Variants in MAP3K4 observed in about 807,000 individuals in gnomAD.
The protein encoded by MAP3K4 is mitogen-activated protein kinase kinase kinase 4.
MAP3K4 carries 67 observed loss-of-function variants against 185.6 expected under a neutral mutation model. The observed-to-expected ratio is 0.36, with a 90% confidence interval of 0.30 to 0.44. The LOEUF (loss-of-function observed/expected upper bound fraction) is 0.44, where lower values mean the gene tolerates loss of function less well. MAP3K4 is among the 20% of genes least tolerant of loss of function. The pLI, the probability that MAP3K4 is intolerant of heterozygous loss-of-function variation, is 1.00. For missense variants in MAP3K4, 1,551 were observed against 1,995.1 expected, an observed-to-expected ratio of 0.78 and a Z score of 4.24; for synonymous variants, 702 against 710.4, an observed-to-expected ratio of 0.99 and a Z score of 0.19.
Position 161,091,748 on chromosome 6 carries a change from A to G in MAP3K4, c.3135+208A>G, listed in dbSNP as rs1335618459. Among the ~76,000 whole-genome samples the G allele has an allele frequency of 1.3e-5, 2 of 152,214 alleles. No individual in the cohort carries two copies. Among genetic ancestry groups the G allele is most frequent in the Non-Finnish European group, 2.9e-5 (2 of 68,026 alleles). ...CAACTTTTATTTTGTGCTAACAGCC[A>G]TCTACTTACATTTTAAAACTTTAAA... is the stretch of plus-strand genomic sequence containing the variant. On this transcript the variant is annotated intron_variant, in intron 12 of 26. Coordinates refer to ENST00000392142, the MANE Select transcript of MAP3K4 (RefSeq NM_005922.4). The surrounding 1 kb of genome is among the most constrained non-coding windows in gnomAD (Gnocchi z 5.5).
rs1159719941 is a variant in MAP3K4, at chr6:161,101,057, C to T, written c.3675-835C>T. On this transcript the variant is annotated intron_variant, in intron 17 of 26. Transcript: ENST00000392142. This position sits in a 1 kb window ranked among gnomAD's most constrained non-coding sequence, Gnocchi z 5.1. ...ATAAATGCTACCATACTTCATTATA[C>T]CATTCACTTAAAAATATATACTAAA... 2.0e-5 allele frequency: 3 copies of T among 152,132 alleles called. No homozygotes were observed. Among genetic ancestry groups the T allele is most frequent in the Non-Finnish European group, 4.4e-5 (3 of 68,030 alleles). The allele number at this position is 152,132 out of a possible 1,614,324, so 9.4% of individuals were successfully genotyped here. A position where few individuals can be genotyped will look rare whatever the true frequency, so the allele number is the denominator to read the frequency against.
chr6:160,999,673 C>T (rs918177661), intron 1 of MAP3K4, among the ~76,000 whole-genome samples: 2 of 152,194 alleles, frequency 1.3e-5, no homozygotes, highest in African/African-American at 4.8e-5. Context: ...GCAAGCCCTT[C>T]TTCCCTTACC....
intron 1 of MAP3K4, among the ~76,000 whole-genome samples, chr6:161,005,029 T>C (rs1415041519): frequency 6.6e-6 from 1 of 152,184 alleles, no homozygotes; most frequent in Non-Finnish European, 1.5e-5. Flanking sequence ...ACCAAACTTA[T>C]CCAGTCTTGA....
In MAP3K4 at chr6:161,053,846, C is replaced by T. The variant is rs1041451846; in HGVS notation, c.1707+3867C>T. On this transcript the variant is annotated intron_variant, in intron 3 of 26. Transcript: ENST00000392142. The surrounding 1 kb of genome is among the most constrained non-coding windows in gnomAD (Gnocchi z 4.2). Reference sequence around the variant, plus strand: ...TGACCCCAAATGATCCACCTGCCTCCGCCTCCCAAAGTGCTGGGATTACAG... The same window carrying T: ...TGACCCCAAATGATCCACCTGCCTCTGCCTCCCAAAGTGCTGGGATTACAG... Among the ~76,000 whole-genome samples the T allele has an allele frequency of 3.5e-4, 53 of 152,092 alleles. No individual in the cohort carries two copies. Among genetic ancestry groups the T allele is most frequent in the Non-Finnish European group, 8.8e-5 (6 of 67,958 alleles).
In MAP3K4 at chr6:161,026,231, T is replaced by C. The variant is rs112004168; in HGVS notation, c.153-8028T>C. Among the ~76,000 whole-genome samples the C allele has an allele frequency of 7.9e-3, 1,206 of 151,960 alleles. 12 individuals carry two copies. The highest frequency in any genetic ancestry group is 0.026 in the African/African-American group (1,075 of 41,452). The stretch of plus-strand genomic sequence containing the variant: ...CTGCAAGCTCTGCCTCCTGGGTTCA[T>C]GCCATTCTCCTGCCTCAGCCTCCCG... On this transcript the variant is annotated intron_variant, in intron 1 of 26. Coordinates refer to ENST00000392142, the MANE Select transcript of MAP3K4 (RefSeq NM_005922.4).
chr6:161,105,377 G>T (rs1445957457), intron 19 of MAP3K4, among the ~76,000 whole-genome samples: 2 of 152,164 alleles, frequency 1.3e-5, no homozygotes, highest in African/African-American at 4.8e-5. Flanking sequence ...CTCACAGTAG[G>T]TCTGTGAGAT....
In MAP3K4 at chr6:161,102,765, T is replaced by G. The variant is rs1392993163; in HGVS notation, c.3842T>G (p.Ile1281Ser). ...AGAAGTTGGGAACTTCGGACACTAA[T>G]CAGCCAGAGTAAAGGTGAGAGAAAG... The part of the protein sequence containing the change: ...TRRSWELRTL[I>S]SQSKDTASKL... Residue 1281 changes from isoleucine (I) to serine (S), a missense_variant, in exon 19 of 27, where the codon ATC becomes AGC. Coordinates refer to ENST00000392142, the MANE Select transcript of MAP3K4 (RefSeq NM_005922.4). 5 of 1,411,038 alleles carry G rather than the reference T, an allele frequency of 3.5e-6. No individual in the cohort carries two copies. The highest frequency in any genetic ancestry group is 3.9e-6 in the Non-Finnish European group (4 of 1,033,430). The allele number at this position is 1,411,038 out of a possible 1,614,324, so 87.4% of individuals were successfully genotyped here. A position where few individuals can be genotyped will look rare whatever the true frequency, so the allele number is the denominator to read the frequency against.
chr6:161,015,444 G>A (rs550117563), intron 1 of MAP3K4, among the ~76,000 whole-genome samples: 3 of 152,240 alleles, frequency 2.0e-5, no homozygotes, highest in Admixed American at 6.5e-5. Flanking sequence ...TCCTGCACAC[G>A]TATCCTGGAA....
chr6:161,038,946 G>C (rs1365760392), intron 2 of MAP3K4, among the ~76,000 whole-genome samples: 1 of 152,202 alleles, frequency 6.6e-6, no homozygotes, highest in African/African-American at 2.4e-5. Context: ...CTCATGGCTA[G>C]CCCAGGGTGG....
At position 161,102,702 on chromosome 6, in the gene MAP3K4, C is replaced by T; in HGVS notation, c.3779C>T (p.Pro1260Leu). The T allele has an allele frequency of 6.4e-7, 1 of 1,568,556 alleles. No homozygotes were observed. Among genetic ancestry groups the T allele is most frequent in the Non-Finnish European group, 8.6e-7 (1 of 1,163,084 alleles). The change falls in exon 19 of 27, where the codon CCA (proline) becomes CTA (leucine). Residue 1260 changes from proline to leucine, a missense_variant. Transcript: ENST00000392142. ...GTATAAAAATAACTTCCTGCAGAAC[C>T]AGCATATCCAAGAGGAGATTCAAGT... ...HSSPTEERDE[P>L]AYPRGDSSGS...
intron 19 of MAP3K4, 63 bp downstream of exon 19, chr6:161,102,842 G>A (rs1200278031): frequency 1.5e-5 from 17 of 1,145,638 alleles, no homozygotes; most frequent in Admixed American, 3.0e-5. Flanking sequence ...ACACATAAGG[G>A]GAGCAGTTTC....
chr6:161,042,521 G>T (rs927634012), intron 2 of MAP3K4, among the ~76,000 whole-genome samples: 4 of 152,066 alleles, frequency 2.6e-5, no homozygotes, highest in African/African-American at 9.7e-5. Context: ...TAGCTGCGGT[G>T]TTATTTGAGA....
At position 161,037,078 on chromosome 6, in the gene MAP3K4, G is replaced by T. The variant is rs1230921110; in HGVS notation, c.343+2629G>T. On this transcript the variant is annotated intron_variant, in intron 2 of 26. Transcript: ENST00000392142. The surrounding 1 kb of genome is among the most constrained non-coding windows in gnomAD (Gnocchi z 4.2). Reference sequence around the variant, plus strand: ...AGTGGCTTCACATGTATGCCAGCTGGTGAACTATTTCTTGCGGACATTCTT... The same window carrying T: ...AGTGGCTTCACATGTATGCCAGCTGTTGAACTATTTCTTGCGGACATTCTT... Among the ~76,000 whole-genome samples, 1 of 152,154 alleles carries T rather than the reference G, an allele frequency of 6.6e-6. No individual in the cohort carries two copies.
chr6:161,020,525 G>A (rs1326294496), intron 1 of MAP3K4, among the ~76,000 whole-genome samples: 2 of 152,040 alleles, frequency 1.3e-5, no homozygotes, highest in East Asian at 1.9e-4. Context: ...GGGCGTGGTA[G>A]TGCGCGCCTG....
In MAP3K4 at chr6:161,012,205, G is replaced by A. The variant is rs140776276; in HGVS notation, c.152+20122G>A. Among the ~76,000 whole-genome samples the A allele has an allele frequency of 1.8e-3, 270 of 152,250 alleles. 3 individuals are homozygous for A. The highest frequency in any genetic ancestry group is 5.8e-3 in the African/African-American group (241 of 41,538). ...TGAACCCCTTGCCTCTGAGAATTTA[G>A]AGTCTTAATTCACTGAACATCTTCC... On this transcript the variant is annotated intron_variant, in intron 1 of 26. Coordinates refer to ENST00000392142, the MANE Select transcript of MAP3K4 (RefSeq NM_005922.4).
rs756979237 is a variant in MAP3K4 at position 161,097,841 on chromosome 6, A to G, written c.3525-437A>G. ...GGTGACTCACGCCTGTAATTCCAGCACTTTAGGAGGACGAGGCGGGAGGAT... is the reference window on the plus strand; with the variant it reads ...GGTGACTCACGCCTGTAATTCCAGCGCTTTAGGAGGACGAGGCGGGAGGAT... On this transcript the variant is annotated intron_variant, in intron 16 of 26. Coordinates refer to ENST00000392142, the MANE Select transcript of MAP3K4 (RefSeq NM_005922.4). The surrounding 1 kb of genome is among the most constrained non-coding windows in gnomAD (Gnocchi z 4.9). Among the ~76,000 whole-genome samples, 6 of 151,864 alleles carry G rather than the reference A, an allele frequency of 4.0e-5. No individual in the cohort carries two copies. The highest frequency in any genetic ancestry group is 9.7e-5 in the African/African-American group (4 of 41,344).
chr6:161,108,757 T>G lies in MAP3K4; in HGVS notation c.4134T>G (p.Pro1378=), dbSNP rs751424827. The G allele has an allele frequency of 4.3e-6, 7 of 1,611,692 alleles. No individual in the cohort carries two copies. In the South Asian group the frequency reaches 7.7e-5, roughly 18 times the overall value. Residue 1378 remains proline, a synonymous_variant, in exon 22 of 27, where the codon CCT becomes CCG. Transcript: ENST00000392142. The surrounding 1 kb of genome is among the most constrained non-coding windows in gnomAD (Gnocchi z 5.7). Reference sequence around the variant, plus strand: ...TCACTTTACAGATTCGATTTCAACCTAATGACCATAAGACTATCAAGGAAA... The same window carrying G: ...TCACTTTACAGATTCGATTTCAACCGAATGACCATAAGACTATCAAGGAAA... ...LMAMKEIRFQ[P]NDHKTIKETA... is the part of the protein sequence containing the mutation.
chr6:160,992,317 G>C, intron 1 of MAP3K4: 1 of 549,242 alleles, frequency 1.8e-6, no homozygotes, highest in Non-Finnish European at 3.1e-6. Context: ...CGAGCGTGTT[G>C]CCGGCTCCCC....
chr6:161,077,023 G>C lies in MAP3K4; in HGVS notation c.2097+3411G>C, dbSNP rs546515230. ...TTTGTGGAGGTCAGGCTTCTCTGAG[G>C]GGGGAGCATTGCAACTTATCGGAAA... On this transcript the variant is annotated intron_variant, in intron 5 of 26. Transcript: ENST00000392142. This position sits in a 1 kb window ranked among gnomAD's most constrained non-coding sequence, Gnocchi z 4.3. Among the ~76,000 whole-genome samples the C allele has an allele frequency of 2.6e-5, 4 of 152,162 alleles. No individual in the cohort carries two copies. Among genetic ancestry groups the C allele is most frequent in the East Asian group, 3.9e-4 (2 of 5,192 alleles).
Sources: gnomAD v4.1 joint callset for allele counts (sites outside exome capture counted in the v4.1 genomes callset) on GRCh38, gnomAD v4.1.1 for gene constraint, Gnocchi (gnomAD v3.1) non-coding constraint, MANE v1.5 for transcripts, NCBI Gene and HGNC (gene_info 2026-07-23, HGNC 2026-07-21) for gene names.